The following EFCAB11 variants were observed in gnomAD, a reference collection of about 807,000 sequenced individuals.
The protein encoded by EFCAB11 is EF-hand calcium binding domain 11.
Under a neutral mutation model 23.0 loss-of-function variants are expected in EFCAB11, and 14 were observed. The observed-to-expected ratio is 0.61, with a 90% CI of 0.40 to 0.95. EFCAB11 has a LOEUF of 0.95. Among genes scored for constraint, EFCAB11 ranks in the 40% least tolerant of loss-of-function variants. The pLI is 0.00. For synonymous variants in EFCAB11, 65 were observed against 66.6 expected (o/e 0.98, Z 0.11); for missense variants, 198 against 195.8 (o/e 1.01, Z -0.07).
At chr14:89,859,718 TAAG>T (rs1455369170) in intron 5 of EFCAB11, among the ~76,000 whole-genome samples, 1 of 151,718 alleles carries the variant, frequency 6.6e-6, no homozygotes. Context: ...GTTAGGAGGG[TAAG>T]AGAGTTGGGC....
chr14:89,803,358 T>C (rs1885850976), intron 5 of EFCAB11, among the ~76,000 whole-genome samples: 1 of 152,196 alleles, frequency 6.6e-6, no homozygotes, highest in Non-Finnish European at 1.5e-5. Context: ...AAGACCCCAC[T>C]GGAGAGGCAA....
chr14:89,892,258 G>A (rs914410196), intron 5 of EFCAB11: 2 of 1,613,118 alleles, frequency 1.2e-6, no homozygotes, highest in African/African-American at 2.7e-5. Flanking sequence ...CCTTCGTGGA[G>A]ACCTCTGTTA....
chr14:89,797,475 A>G, intron 5 of EFCAB11, 151 bp from the exon 6 acceptor site: 1 of 554,862 alleles, frequency 1.8e-6, no homozygotes, highest in Non-Finnish European at 3.1e-6. Context: ...CTGTTTTTTC[A>G]TTGATAATAA....
intron 3 of EFCAB11, among the ~76,000 whole-genome samples, chr14:89,938,691 G>A (rs1385542516): frequency 6.6e-6 from 1 of 152,100 alleles, no homozygotes; most frequent in Non-Finnish European, 1.5e-5. Context: ...GGAGGCCACG[G>A]CAGGCAGATC....
At chr14:89,814,730 A>C (rs538262861) in intron 5 of EFCAB11, among the ~76,000 whole-genome samples, 14 of 151,068 alleles carry the variant, frequency 9.3e-5, no homozygotes, top group Non-Finnish European at 1.9e-4. Flanking sequence ...ACCCAGCCCC[A>C]CTCTTTCATT....
rs527351862 is a variant in EFCAB11 at position 89,935,783 on chromosome 14, C to G, written c.218-3156G>C. Among the ~76,000 whole-genome samples the G allele has an allele frequency of 3.3e-5, 5 of 152,192 alleles. No individual in the cohort carries two copies. In the East Asian group the frequency reaches 9.7e-4, roughly 29 times the overall value. On this transcript the variant is annotated intron_variant, in intron 3 of 5. Coordinates refer to ENST00000316738, the MANE Select transcript of EFCAB11 (RefSeq NM_145231.4). ...CAGCAATTTGGGAGGCTGAGGCAGG[C>G]AGATCACCTGAGGTCAGGAGTTTGA... is the stretch of plus-strand genomic sequence containing the variant.
chr14:89,840,083 T>C (rs1349357966), intron 5 of EFCAB11, among the ~76,000 whole-genome samples: 1 of 152,222 alleles, frequency 6.6e-6, no homozygotes, highest in Non-Finnish European at 1.5e-5. Context: ...CCCCATAGAT[T>C]TGCCACTTAA....
chr14:89,920,011 G>A (rs1028735258), intron 5 of EFCAB11, among the ~76,000 whole-genome samples: 2 of 152,124 alleles, frequency 1.3e-5, no homozygotes, highest in Non-Finnish European at 2.9e-5. Context: ...CATGAATTTC[G>A]TTTAGCACTC....
intron 5 of EFCAB11, among the ~76,000 whole-genome samples, chr14:89,842,789 G>A (rs550114627): frequency 9.9e-5 from 15 of 152,048 alleles, no homozygotes; most frequent in African/African-American, 3.6e-4. Flanking sequence ...CCTTTACCCT[G>A]TGCTCAAGCT....
At chr14:89,861,011 TCTC>T (rs1433170893) in intron 5 of EFCAB11, among the ~76,000 whole-genome samples, 9 of 152,128 alleles carry the variant, frequency 5.9e-5, no homozygotes, top group Non-Finnish European at 1.3e-4. Flanking sequence ...ATTTTGTCCT[TCTC>T]CTAAACAAAA....
At chr14:89,800,340 T>A (rs530427144) in intron 5 of EFCAB11, among the ~76,000 whole-genome samples, 88 of 152,178 alleles carry the variant, frequency 5.8e-4, no homozygotes, top group African/African-American at 1.9e-3. Flanking sequence ...GGAGACCACA[T>A]GAGAGACAAG....
intron 3 of EFCAB11, among the ~76,000 whole-genome samples, chr14:89,946,919 T>G (rs1891006241): frequency 6.6e-6 from 1 of 151,838 alleles, no homozygotes; most frequent in Admixed American, 6.6e-5. Context: ...CATATGTGTC[T>G]TTTTTTTCCC....
At chr14:89,843,122 T>A (rs1051071877) in intron 5 of EFCAB11, among the ~76,000 whole-genome samples, 1 of 152,158 alleles carries the variant, frequency 6.6e-6, no homozygotes, top group Non-Finnish European at 1.5e-5. Flanking sequence ...CCAAGCCCAC[T>A]ATATAATATT....
intron 5 of EFCAB11, among the ~76,000 whole-genome samples, chr14:89,913,574 A>C (rs1177469234): frequency 6.6e-6 from 1 of 152,232 alleles, no homozygotes; most frequent in Non-Finnish European, 1.5e-5. Context: ...AATCGAATCT[A>C]ATCAAAGATG....
chr14:89,809,143 A>C (rs2140086449), intron 5 of EFCAB11, among the ~76,000 whole-genome samples: 1 of 152,342 alleles, frequency 6.6e-6, no homozygotes, highest in African/African-American at 2.4e-5. Context: ...TCTGCCCAGC[A>C]CTAAGCATTA....
intron 5 of EFCAB11, among the ~76,000 whole-genome samples, chr14:89,891,578 T>C (rs1888965473): frequency 6.6e-6 from 1 of 152,098 alleles, no homozygotes; most frequent in South Asian, 2.1e-4. Flanking sequence ...GCAAAATCTG[T>C]ACCAAATATA....
intron 5 of EFCAB11, among the ~76,000 whole-genome samples, chr14:89,806,609 G>C (rs767815568): frequency 6.6e-6 from 1 of 152,108 alleles, no homozygotes; most frequent in African/African-American, 2.4e-5. Flanking sequence ...CCCCCATGCC[G>C]TAAATATGCA....
chr14:89,914,676 T>C (rs533892678), intron 5 of EFCAB11, among the ~76,000 whole-genome samples: 1 of 152,166 alleles, frequency 6.6e-6, no homozygotes, highest in Non-Finnish European at 1.5e-5. Flanking sequence ...TCCCAGCTAC[T>C]TGGGAAGCTT....
intron 5 of EFCAB11, chr14:89,799,241 CA>C (rs1210661261): frequency 6.6e-6 from 1 of 152,182 alleles, no homozygotes; most frequent in African/African-American, 2.4e-5. Flanking sequence ...GGCAGGGCAT[CA>C]TCATTTTAAA....
Sources: gnomAD v4.1 joint callset for allele counts (sites outside exome capture counted in the v4.1 genomes callset) on GRCh38, gnomAD v4.1.1 for gene constraint, MANE v1.5 for transcripts, NCBI Gene and HGNC (gene_info 2026-07-23, HGNC 2026-07-21) for gene names.